The following PDZRN3 variants were observed in gnomAD, a reference collection of about 807,000 sequenced individuals.
The protein encoded by PDZRN3 is PDZ domain containing ring finger 3, also known as E3 ubiquitin-protein ligase PDZRN3.
A neutral mutation model predicts 85.7 loss-of-function variants in PDZRN3; 38 were observed. That is an observed-to-expected ratio of 0.44 (90% CI 0.34 to 0.58). The LOEUF is 0.58. Among genes scored for constraint, PDZRN3 ranks in the 20% least tolerant of loss-of-function variants. PDZRN3 has a pLI of 0.01. For synonymous variants in PDZRN3, 759 were observed against 638.0 expected (o/e 1.19, Z -2.86); for missense variants, 1,629 against 1,506.4 (o/e 1.08, Z -1.35).
At chr3:73,512,915 G>T (rs1704193633) in intron 3 of PDZRN3, among the ~76,000 whole-genome samples, 1 of 152,178 alleles carries the variant, frequency 6.6e-6, no homozygotes, top group Admixed American at 6.5e-5. Flanking sequence ...GTATTGTCCA[G>T]ATTTTCTACC....
At chr3:73,499,391 C>A (rs77626453) in intron 3 of PDZRN3, among the ~76,000 whole-genome samples, 3,173 of 152,260 alleles carry the variant, frequency 0.021, 80 homozygotes, top group African/African-American at 0.069. Flanking sequence ...GTGGTTTTCA[C>A]ACATGTAGGC....
chr3:73,623,396 ATTCT>A (rs1188021991), intron 1 of PDZRN3, among the ~76,000 whole-genome samples: 1 of 152,284 alleles, frequency 6.6e-6, no homozygotes, highest in African/African-American at 2.4e-5. Flanking sequence ...TGCTCCTTTA[ATTCT>A]TTCTGAAATC....
chr3:73,593,472 GGA>G (rs1481949506), intron 3 of PDZRN3, among the ~76,000 whole-genome samples: 1 of 152,086 alleles, frequency 6.6e-6, no homozygotes, highest in East Asian at 1.9e-4. Context: ...ACAGAGGATG[GGA>G]GAGACACTCT....
Position 73,384,504 on chromosome 3 carries a change from G to T in PDZRN3, c.2062C>A (p.Leu688Met), listed in dbSNP as rs763098704. 1 of 1,613,686 alleles carries T rather than the reference G, an allele frequency of 6.2e-7. No homozygotes were observed. Residue 688 changes from leucine (L) to methionine (M), a missense_variant, in exon 10 of 10, where the codon CTG (leucine) becomes ATG (methionine). Leu to Met is a conservative substitution (Grantham distance 15). Coordinates refer to ENST00000263666, the MANE Select transcript of PDZRN3 (RefSeq NM_015009.3). The part of the protein sequence containing the change: ...PESVDKELEL[L>M]NEELRSIELE... ...TCGATGCTGCGCAGCTCTTCGTTCA[G>T]CAGCTCCAGCTCCTTGTCCACGCTC...
intron 5 of PDZRN3, among the ~76,000 whole-genome samples, chr3:73,392,909 A>C (rs1274126779): frequency 6.6e-6 from 1 of 152,102 alleles, no homozygotes; most frequent in Non-Finnish European, 1.5e-5. Context: ...TGCATACCAC[A>C]AATATACTAG....
chr3:73,442,223 G>T (rs1702652063), intron 3 of PDZRN3, among the ~76,000 whole-genome samples: 1 of 152,176 alleles, frequency 6.6e-6, no homozygotes. Flanking sequence ...AGTCCAGGCA[G>T]GACAGATGGT....
At chr3:73,551,725 A>G (rs1264337708) in intron 3 of PDZRN3, among the ~76,000 whole-genome samples, 2 of 151,886 alleles carry the variant, frequency 1.3e-5, no homozygotes, top group African/African-American at 2.4e-5. Context: ...AAAGAAACAT[A>G]TAATTATTTC....
At chr3:73,566,739 G>A (rs1701956454) in intron 3 of PDZRN3, among the ~76,000 whole-genome samples, 2 of 152,148 alleles carry the variant, frequency 1.3e-5, no homozygotes, top group African/African-American at 4.8e-5. Context: ...CCACTAACAA[G>A]GGGCAGCCTG....
chr3:73,568,052 G>T (rs1206364020), intron 3 of PDZRN3, among the ~76,000 whole-genome samples: 2 of 152,166 alleles, frequency 1.3e-5, no homozygotes, highest in East Asian at 3.9e-4. Flanking sequence ...ATCAGGCATG[G>T]CTTCTTTTGA....
intron 3 of PDZRN3, among the ~76,000 whole-genome samples, chr3:73,520,644 A>G (rs1175284065): frequency 6.6e-6 from 1 of 152,182 alleles, no homozygotes; most frequent in African/African-American, 2.4e-5. Context: ...AAAAGGAAAA[A>G]GGAGGACAAT....
At chr3:73,431,987 C>T (rs141423267) in intron 3 of PDZRN3, among the ~76,000 whole-genome samples, 199 of 152,300 alleles carry the variant, frequency 1.3e-3, no homozygotes, top group African/African-American at 4.4e-3. Flanking sequence ...AATACATCCA[C>T]AACTGTGACT....
At chr3:73,564,913 T>A (rs921729483) in intron 3 of PDZRN3, among the ~76,000 whole-genome samples, 2 of 152,152 alleles carry the variant, frequency 1.3e-5, no homozygotes, top group Non-Finnish European at 2.9e-5. Flanking sequence ...GCTCAATAAA[T>A]GTCAGGTAGC....
chr3:73,449,884 G>A (rs75410609), intron 3 of PDZRN3, among the ~76,000 whole-genome samples: 2,557 of 152,194 alleles, frequency 0.017, 75 homozygotes, highest in African/African-American at 0.058. Context: ...ACGTAGATGA[G>A]GCAATTGACT....
At chr3:73,391,164 G>A (rs1378981473) in intron 5 of PDZRN3, 48 bp from the exon 6 acceptor site, 5 of 1,098,600 alleles carry the variant, frequency 4.6e-6, no homozygotes, top group African/African-American at 3.1e-5. Context: ...GGCAATGCGA[G>A]TTGAGGGGAT....
intron 5 of PDZRN3, among the ~76,000 whole-genome samples, chr3:73,399,397 G>A (rs1397030266): frequency 2.0e-5 from 3 of 152,132 alleles, no homozygotes; most frequent in Admixed American, 6.5e-5. Flanking sequence ...AGAGAGGTGG[G>A]GGAAATTCTG....
At chr3:73,542,547 G>A (rs147035168) in intron 3 of PDZRN3, among the ~76,000 whole-genome samples, 364 of 152,298 alleles carry the variant, frequency 2.4e-3, no homozygotes, top group Non-Finnish European at 4.2e-3. Context: ...GCCGAGGCAG[G>A]TGGATCACCT....
At chr3:73,590,462 A>G (rs1702341897) in intron 3 of PDZRN3, among the ~76,000 whole-genome samples, 2 of 152,130 alleles carry the variant, frequency 1.3e-5, no homozygotes, top group Admixed American at 1.3e-4. Flanking sequence ...GTCTCTCTCT[A>G]CTGGTTCACA....
chr3:73,397,649 G>A (rs1576034077), intron 5 of PDZRN3, among the ~76,000 whole-genome samples: 1 of 152,344 alleles, frequency 6.6e-6, no homozygotes, highest in East Asian at 1.9e-4. Flanking sequence ...AGACCCTTCT[G>A]GTGAGTGGCT....
In PDZRN3 at chr3:73,602,423, T is replaced by A; in HGVS notation, c.849A>T (p.Val283=). 1 of 1,609,396 alleles carries A rather than the reference T, an allele frequency of 6.2e-7. No individual in the cohort carries two copies. The highest frequency in any genetic ancestry group is 1.1e-5 in the South Asian group (1 of 90,956). ...CAGGCCCACTGTCAACTATCTTGGA[T>A]ACAAAGATTCCTTCACTGGATGATC... ...HDGSSSEGIF[V]SKIVDSGPAA... Residue 283 remains valine (V), a synonymous_variant, in exon 3 of 10, where the codon GTA becomes GTT. Coordinates refer to ENST00000263666, the MANE Select transcript of PDZRN3 (RefSeq NM_015009.3).
Sources: gnomAD v4.1 joint callset for allele counts (sites outside exome capture counted in the v4.1 genomes callset) on GRCh38, gnomAD v4.1.1 for gene constraint, MANE v1.5 for transcripts, NCBI Gene and HGNC (gene_info 2026-07-23, HGNC 2026-07-21) for gene names.